Variants in DISC1 observed in about 807,000 individuals in gnomAD.
DISC1 encodes DISC1 scaffold protein, also known as disrupted in schizophrenia 1 protein.
Under a neutral mutation model 84.5 loss-of-function variants are expected in DISC1, and 57 were observed. The ratio of observed to expected loss-of-function variants is 0.67; its 90% CI spans 0.55 to 0.84. DISC1 has a LOEUF of 0.84. DISC1 is among the 40% of genes least tolerant of loss of function. The pLI, the probability that DISC1 is intolerant of heterozygous loss-of-function variation, is 0.00. For synonymous variants in DISC1, 411 were observed against 415.2 expected (o/e 0.99, Z 0.12); for missense variants, 1,000 against 1,057.8 (o/e 0.95, Z 0.76).
At chr1:231,966,382 T>C (rs1661125138) in intron 10 of DISC1, among the ~76,000 whole-genome samples, 1 of 152,244 alleles carries the variant, frequency 6.6e-6, no homozygotes, top group African/African-American at 2.4e-5. Flanking sequence ...AAACCTTGCT[T>C]TAGTTTTTAT....
intron 10 of DISC1, among the ~76,000 whole-genome samples, chr1:231,997,819 A>G (rs1369368755): frequency 1.3e-5 from 2 of 152,258 alleles, no homozygotes; most frequent in Non-Finnish European, 2.9e-5. Context: ...CCTTGGCAGT[A>G]TCCACTTCTC....
At chr1:231,715,703 A>C (rs2068605643) in intron 3 of DISC1, among the ~76,000 whole-genome samples, 2 of 152,238 alleles carry the variant, frequency 1.3e-5, no homozygotes. Flanking sequence ...GCCATTTAGA[A>C]ATAATCAACT....
chr1:231,776,363 C>T (rs2125495468), intron 6 of DISC1, among the ~76,000 whole-genome samples: 1 of 152,342 alleles, frequency 6.6e-6, no homozygotes, highest in African/African-American at 2.4e-5. Context: ...GTTCTGGCAG[C>T]TCATGGATGA....
intron 10 of DISC1, among the ~76,000 whole-genome samples, chr1:231,969,199 T>TTG (rs1553410664): frequency 2.1e-4 from 31 of 148,880 alleles, no homozygotes; most frequent in African/African-American, 7.4e-4. Flanking sequence ...TTTTTTTTTT[T>TTG]TTTTTTTTTT....
In DISC1 at chr1:231,718,437, T is replaced by TC. The variant is rs1491332650; in HGVS notation, c.1117+16413_1117+16414insC. On this transcript the variant is annotated intron_variant, in intron 3 of 12. Transcript: ENST00000439617. Reference sequence around the variant, plus strand: ...CCCACTTCAAGCAACTTTCTCTCTCTTTTTTTTTTTTTTTTTGAGTTGCAG... The same window carrying TC: ...CCCACTTCAAGCAACTTTCTCTCTCTCTTTTTTTTTTTTTTTTGAGTTGCAG... Among the ~76,000 whole-genome samples, 4 of 13,628 alleles carry TC rather than the reference T, an allele frequency of 2.9e-4. No individual in the cohort carries two copies. In the African/African-American group the frequency reaches 3.3e-3, roughly 11 times the overall value. 8.9% of individuals were successfully genotyped at this position (13,628 alleles called of 152,430 possible). A position where few individuals can be genotyped will look rare whatever the true frequency, so the allele number is the denominator to read the frequency against.
intron 3 of DISC1, 150 bp downstream of exon 3, chr1:231,702,174 A>G (rs2066509290): frequency 2.8e-6 from 4 of 1,408,228 alleles, no homozygotes; most frequent in Non-Finnish European, 3.7e-6. Context: ...CTTTTACAGC[A>G]TTATTGTTTT....
intron 4 of DISC1, among the ~76,000 whole-genome samples, chr1:231,766,521 A>G (rs1019760662): frequency 2.3e-4 from 35 of 152,294 alleles, no homozygotes; most frequent in African/African-American, 7.7e-4. Context: ...CAACCTTCTC[A>G]TTGACTAGTG....
intron 9 of DISC1, among the ~76,000 whole-genome samples, chr1:231,911,924 A>G (rs1200062653): frequency 6.6e-6 from 1 of 151,906 alleles, no homozygotes; most frequent in East Asian, 1.9e-4. Flanking sequence ...TCATTCATTG[A>G]TCTTCAATCA....
chr1:231,628,492 A>G (rs1443593615), intron 1 of DISC1, among the ~76,000 whole-genome samples: 1 of 152,224 alleles, frequency 6.6e-6, no homozygotes, highest in African/African-American at 2.4e-5. Flanking sequence ...CAGACATTTT[A>G]TTATGAATTC....
chr1:231,678,269 A>G (rs1175536089), intron 1 of DISC1, among the ~76,000 whole-genome samples: 4 of 152,352 alleles, frequency 2.6e-5, no homozygotes, highest in South Asian at 4.1e-4. Context: ...CAGGAGGTCA[A>G]AGAGGACGAA....
At chr1:231,822,378 A>G (rs1002694238) in intron 9 of DISC1, among the ~76,000 whole-genome samples, 5 of 152,106 alleles carry the variant, frequency 3.3e-5, no homozygotes, top group East Asian at 1.9e-4. Flanking sequence ...AAGCAGCAAG[A>G]TTTTGTTTTT....
At chr1:231,860,877 A>G (rs1240061780) in intron 9 of DISC1, among the ~76,000 whole-genome samples, 2 of 152,210 alleles carry the variant, frequency 1.3e-5, no homozygotes, top group Admixed American at 6.5e-5. Flanking sequence ...ATCCTCTTGC[A>G]ATACAGTAAC....
intron 1 of DISC1, among the ~76,000 whole-genome samples, chr1:231,648,452 C>T (rs553674579): frequency 4.6e-5 from 7 of 152,228 alleles, no homozygotes; most frequent in South Asian, 2.1e-4. Context: ...CTGCTGGATT[C>T]GGTTTGCCGG....
intron 6 of DISC1, among the ~76,000 whole-genome samples, chr1:231,779,965 C>T (rs2077277006): frequency 6.6e-6 from 1 of 151,996 alleles, no homozygotes. Flanking sequence ...AGAATGGCAA[C>T]CTTGCAGGCT....
chr1:232,020,666 C>T (rs1173583771), intron 11 of DISC1, among the ~76,000 whole-genome samples: 1 of 152,176 alleles, frequency 6.6e-6, no homozygotes, highest in Non-Finnish European at 1.5e-5. Context: ...TTGGCTTAAA[C>T]AGAAATGTCA....
At chr1:231,737,786 C>G (rs566019227) in intron 3 of DISC1, among the ~76,000 whole-genome samples, 1 of 152,348 alleles carries the variant, frequency 6.6e-6, no homozygotes, top group South Asian at 2.1e-4. Flanking sequence ...TGAGCTGGCT[C>G]CTTCCTGAGC....
At chr1:231,888,876 G>A (rs1312328633) in intron 9 of DISC1, among the ~76,000 whole-genome samples, 1 of 152,006 alleles carries the variant, frequency 6.6e-6, no homozygotes, top group Non-Finnish European at 1.5e-5. Context: ...TTCTTCCTGG[G>A]CACTTTCCCC....
intron 1 of DISC1, among the ~76,000 whole-genome samples, chr1:231,655,464 T>C (rs924847093): frequency 1.3e-5 from 2 of 152,222 alleles, no homozygotes; most frequent in Non-Finnish European, 2.9e-5. Context: ...TTCCATGGTG[T>C]ATATATACCA....
intron 4 of DISC1, among the ~76,000 whole-genome samples, chr1:231,759,387 A>ATTTT (rs2075422992): frequency 6.6e-6 from 1 of 151,998 alleles, no homozygotes; most frequent in Non-Finnish European, 1.5e-5. Context: ...CTATGATACA[A>ATTTT]CATGAAAATT....
Sources: allele counts gnomAD v4.1 joint callset (sites outside exome capture counted in the v4.1 genomes callset), GRCh38; gene constraint gnomAD v4.1.1; transcripts MANE v1.5; gene names NCBI Gene and HGNC (gene_info 2026-07-23, HGNC 2026-07-21).